The following TENM4 variants were observed in gnomAD, a reference collection of about 807,000 sequenced individuals.
The protein encoded by TENM4 is teneurin-4.
A neutral mutation model predicts 243.3 loss-of-function variants in TENM4; 82 were observed. The observed-to-expected ratio is 0.34, with a 90% CI of 0.28 to 0.40. TENM4 has a LOEUF of 0.40. TENM4 is among the 10% of genes least tolerant of loss of function. TENM4 has a pLI of 1.00. For synonymous variants in TENM4, 1,412 were observed against 1,456.3 expected (o/e 0.97, Z 0.69); for missense variants, 3,138 against 3,673.3 (o/e 0.85, Z 3.77).
intron 6 of TENM4, among the ~76,000 whole-genome samples, chr11:79,042,482 G>C (rs1859559975): frequency 6.6e-6 from 1 of 152,192 alleles, no homozygotes; most frequent in Non-Finnish European, 1.5e-5. Flanking sequence ...AAGGGAGCTT[G>C]TTTGCTCCTT....
chr11:79,008,174 T>C (rs1211297259), intron 6 of TENM4, among the ~76,000 whole-genome samples: 3 of 152,170 alleles, frequency 2.0e-5, no homozygotes, highest in Non-Finnish European at 4.4e-5. Flanking sequence ...TCCCTGGTAC[T>C]CAGAGGTGTC....
At chr11:79,225,398 C>A (rs1864243121) in intron 2 of TENM4, among the ~76,000 whole-genome samples, 1 of 152,110 alleles carries the variant, frequency 6.6e-6, no homozygotes, top group Non-Finnish European at 1.5e-5. Context: ...TTCTTGGATT[C>A]TTGAGATGGT....
intron 19 of TENM4, among the ~76,000 whole-genome samples, chr11:78,752,352 G>A (rs1413330861): frequency 6.6e-6 from 1 of 152,202 alleles, no homozygotes. Flanking sequence ...AGGTAGGCCA[G>A]TTGGCTCCAA....
chr11:78,969,940 C>T (rs888491060), intron 6 of TENM4, among the ~76,000 whole-genome samples: 9 of 152,226 alleles, frequency 5.9e-5, no homozygotes, highest in African/African-American at 1.9e-4. Flanking sequence ...TGGCACACTG[C>T]CCTGATGGAT....
At chr11:79,029,321 C>T (rs1466880892) in intron 6 of TENM4, among the ~76,000 whole-genome samples, 2 of 152,168 alleles carry the variant, frequency 1.3e-5, no homozygotes, top group Non-Finnish European at 2.9e-5. Flanking sequence ...TGGCCTCCTC[C>T]GCCTGCTAGA....
At chr11:79,296,021 A>G (rs1250225832) in intron 2 of TENM4, among the ~76,000 whole-genome samples, 2 of 152,058 alleles carry the variant, frequency 1.3e-5, no homozygotes, top group Admixed American at 6.5e-5. Context: ...AGGTGCATCT[A>G]CATCAACCAT....
chr11:79,037,686 A>G lies in TENM4; in HGVS notation c.493+27052T>C, dbSNP rs970002394. Among the ~76,000 whole-genome samples the G allele has an allele frequency of 3.9e-5, 6 of 152,176 alleles. No homozygotes were observed. The East Asian group carries it at 9.6e-4, about 24-fold the overall frequency. On this transcript the variant is annotated intron_variant, in intron 6 of 33. Coordinates refer to ENST00000278550, the MANE Select transcript of TENM4 (RefSeq NM_001098816.3). ...AGAGACTTTTCTCCATGATTTGTCT[A>G]TTAATACCTTTTCTCCCAAATAACT...
At chr11:79,261,012 G>C (rs1319967973) in intron 2 of TENM4, among the ~76,000 whole-genome samples, 1 of 152,224 alleles carries the variant, frequency 6.6e-6, no homozygotes, top group Non-Finnish European at 1.5e-5. Context: ...GATCAGCCAA[G>C]TCAATTTGTG....
intron 2 of TENM4, among the ~76,000 whole-genome samples, chr11:79,221,987 T>A (rs893946773): frequency 2.0e-5 from 3 of 152,218 alleles, no homozygotes; most frequent in African/African-American, 7.2e-5. Flanking sequence ...TTCTTTCTTG[T>A]GGTTCTTTGT....
intron 3 of TENM4, among the ~76,000 whole-genome samples, chr11:79,181,861 C>A (rs1863287576): frequency 6.6e-6 from 1 of 151,582 alleles, no homozygotes; most frequent in Non-Finnish European, 1.5e-5. Context: ...TTAGCACCAC[C>A]CAAATGAAAT....
intron 2 of TENM4, among the ~76,000 whole-genome samples, chr11:79,293,953 T>G (rs1292317958): frequency 6.6e-6 from 1 of 152,206 alleles, no homozygotes; most frequent in African/African-American, 2.4e-5. Context: ...CTCCCAGGCA[T>G]CCCCAGTTTT....
intron 1 of TENM4, among the ~76,000 whole-genome samples, chr11:79,321,863 T>G (rs1030579513): frequency 1.3e-5 from 2 of 152,100 alleles, no homozygotes; most frequent in African/African-American, 4.8e-5. Flanking sequence ...AATGACTGTT[T>G]GGCCTGTCCC....
chr11:78,971,452 G>A (rs910429725), intron 6 of TENM4, among the ~76,000 whole-genome samples: 5 of 151,856 alleles, frequency 3.3e-5, no homozygotes, highest in East Asian at 3.9e-4. Context: ...ATAGGCACGC[G>A]CCACCATGCC....
intron 3 of TENM4, among the ~76,000 whole-genome samples, chr11:79,209,778 C>G (rs759686323): frequency 3.5e-4 from 53 of 152,200 alleles, no homozygotes; most frequent in Non-Finnish European, 4.7e-4. Context: ...TAGAACCAGC[C>G]TTAGCATTTC....
At chr11:79,111,769 A>G (rs1861513857) in intron 4 of TENM4, among the ~76,000 whole-genome samples, 1 of 152,158 alleles carries the variant, frequency 6.6e-6, no homozygotes. Context: ...ATGGAAACTC[A>G]AATATGATGT....
chr11:79,419,676 A>G (rs1858890745), intron 1 of TENM4, among the ~76,000 whole-genome samples: 1 of 152,216 alleles, frequency 6.6e-6, no homozygotes, highest in Non-Finnish European at 1.5e-5. Flanking sequence ...TTTAATGAAG[A>G]TAACACCCAT....
chr11:79,350,038 G>A (rs1022795702), intron 1 of TENM4, among the ~76,000 whole-genome samples: 2 of 152,202 alleles, frequency 1.3e-5, no homozygotes, highest in African/African-American at 4.8e-5. Context: ...TGGCCCATGG[G>A]CTGGGCACTG....
intron 15 of TENM4, among the ~76,000 whole-genome samples, chr11:78,790,170 A>T (rs1393868844): frequency 6.6e-6 from 1 of 152,220 alleles, no homozygotes; most frequent in Non-Finnish European, 1.5e-5. Context: ...AGCACAAACT[A>T]ATATTGGCAT....
At chr11:79,337,092 C>T (rs371533044) in intron 1 of TENM4, among the ~76,000 whole-genome samples, 2 of 152,344 alleles carry the variant, frequency 1.3e-5, no homozygotes, top group African/African-American at 4.8e-5. Context: ...CAAAGCTAGC[C>T]TTTGAAAAGT....
Sources: allele counts gnomAD v4.1 joint callset (sites outside exome capture counted in the v4.1 genomes callset), GRCh38; gene constraint gnomAD v4.1.1; transcripts MANE v1.5; gene names NCBI Gene and HGNC (gene_info 2026-07-23, HGNC 2026-07-21).